SPAG16: variants seen among roughly 807,000 people sequenced by gnomAD.
SPAG16 encodes the protein sperm associated antigen 16.
Under a neutral mutation model 80.4 loss-of-function variants are expected in SPAG16, and 86 were observed. The ratio of observed to expected loss-of-function variants is 1.07; its 90% CI spans 0.90 to 1.28. The LOEUF is 1.28. SPAG16 is among the 50% of genes most tolerant of loss of function. The pLI is 0.00. For synonymous variants in SPAG16, 294 were observed against 265.9 expected (o/e 1.11, Z -1.03); for missense variants, 870 against 765.3 (o/e 1.14, Z -1.61).
At chr2:213,392,275 T>TA (rs1242742349) in intron 9 of SPAG16, among the ~76,000 whole-genome samples, 1 of 152,222 alleles carries the variant, frequency 6.6e-6, no homozygotes, top group African/African-American at 2.4e-5. Flanking sequence ...TAGTTGCATT[T>TA]AGTACAGTAT....
chr2:214,008,854 A>C (rs2047155637), intron 12 of SPAG16, among the ~76,000 whole-genome samples: 1 of 152,110 alleles, frequency 6.6e-6, no homozygotes, highest in Non-Finnish European at 1.5e-5. Flanking sequence ...GGAGCAGTTT[A>C]ATTATGGGAA....
chr2:214,174,055 C>T (rs190448853), intron 15 of SPAG16, among the ~76,000 whole-genome samples: 18 of 151,982 alleles, frequency 1.2e-4, no homozygotes, highest in African/African-American at 3.4e-4. Flanking sequence ...TCAATAAATA[C>T]GGTATTGATG....
At chr2:213,371,299 G>A (rs1306103291) in intron 8 of SPAG16, among the ~76,000 whole-genome samples, 2 of 148,916 alleles carry the variant, frequency 1.3e-5, no homozygotes, top group Admixed American at 6.9e-5. Flanking sequence ...CAGCTACTTG[G>A]GAGGCTGAGA....
chr2:213,317,466 A>G, intron 5 of SPAG16, 110 bp downstream of exon 5: 2 of 1,359,586 alleles, frequency 1.5e-6, no homozygotes, highest in Non-Finnish European at 9.5e-7. Context: ...TGAAAACTGA[A>G]TTTTTCTAGT....
intron 10 of SPAG16, among the ~76,000 whole-genome samples, chr2:213,857,194 A>C (rs2372265): frequency 0.34 from 52,311 of 152,062 alleles, 9,446 homozygotes; most frequent in South Asian, 0.47. Flanking sequence ...CACTCCACTG[A>C]ACTCCAGCCT....
chr2:213,439,604 A>G (rs1478232517), intron 9 of SPAG16, among the ~76,000 whole-genome samples: 1 of 152,208 alleles, frequency 6.6e-6, no homozygotes, highest in Non-Finnish European at 1.5e-5. Flanking sequence ...CTTCCTGCTT[A>G]TGGTAAAAAT....
chr2:213,976,135 T>TATATATATATATACAC (rs749957411), intron 12 of SPAG16, among the ~76,000 whole-genome samples: 196 of 81,362 alleles, frequency 2.4e-3, no homozygotes, highest in Middle Eastern at 0.013. Flanking sequence ...TATATATATA[T>TATATATATATATACAC]ACACACACAC....
At chr2:214,290,421 G>C (rs115044242) in intron 15 of SPAG16, among the ~76,000 whole-genome samples, 302 of 151,886 alleles carry the variant, frequency 2.0e-3, no homozygotes, top group African/African-American at 7.1e-3. Context: ...GATAATTTTG[G>C]ATTTGACTTA....
chr2:213,679,081 C>G (rs1321541906), intron 10 of SPAG16, among the ~76,000 whole-genome samples: 6 of 152,160 alleles, frequency 3.9e-5, no homozygotes, highest in African/African-American at 1.4e-4. Flanking sequence ...AGGACACCTT[C>G]TCTGCATGCA....
At chr2:214,242,683 T>C (rs1689575922) in intron 15 of SPAG16, among the ~76,000 whole-genome samples, 1 of 152,168 alleles carries the variant, frequency 6.6e-6, no homozygotes, top group African/African-American at 2.4e-5. Context: ...AACAAGTTAA[T>C]ATTACAAATA....
At position 213,751,148 on chromosome 2, in the gene SPAG16, T is replaced by TA. The variant is rs576262597; in HGVS notation, c.1071-111336dup. ...TACTTCAATTGTTAATTTTTTTTTT[T>TA]ACTAAAGAAAATGTACTTATATGGT... On this transcript the variant is annotated intron_variant, in intron 10 of 15. Transcript: ENST00000331683. 2.1e-3 allele frequency among the ~76,000 whole-genome samples: 319 copies of TA among 152,300 alleles called. 2 individuals are homozygous for TA. The highest frequency in any genetic ancestry group is 7.2e-3 in the African/African-American group (299 of 41,566).
intron 6 of SPAG16, among the ~76,000 whole-genome samples, chr2:213,344,310 G>A (rs183961483): frequency 4.6e-4 from 70 of 152,116 alleles, no homozygotes; most frequent in African/African-American, 1.4e-3. Flanking sequence ...CCACTTCACA[G>A]CGTTGGCTAT....
Position 213,428,873 on chromosome 2 carries a change from C to T in SPAG16, c.942+53754C>T, listed in dbSNP as rs947437636. 1.3e-4 allele frequency among the ~76,000 whole-genome samples: 20 copies of T among 152,020 alleles called. No individual in the cohort carries two copies. The East Asian group carries it at 1.4e-3, about 10-fold the overall frequency. ...TTGGGAGGCTGAGGTGGGCAGGTCA[C>T]GAGGTCAGTAGTTTGAGACCAGCCT... On this transcript the variant is annotated intron_variant, in intron 9 of 15. Transcript: ENST00000331683.
rs111985730 is a variant in SPAG16 at position 213,780,184 on chromosome 2, C to T, written c.1071-82301C>T. 6.4e-3 allele frequency among the ~76,000 whole-genome samples: 981 copies of T among 152,280 alleles called. 12 individuals carry two copies. The highest frequency in any genetic ancestry group is 0.023 in the African/African-American group (951 of 41,554). ...CTGGGGTCTGGCCTCATCCTGCACT[C>T]CACCCTCCCAACCTTTTAGTGAGAG... On this transcript the variant is annotated intron_variant, in intron 10 of 15. Transcript: ENST00000331683.
chr2:213,561,319 G>T (rs765694851), intron 10 of SPAG16, among the ~76,000 whole-genome samples: 26 of 152,256 alleles, frequency 1.7e-4, no homozygotes, highest in Middle Eastern at 3.4e-3. Flanking sequence ...TCAATGAATA[G>T]ACTTTATAAT....
intron 10 of SPAG16, among the ~76,000 whole-genome samples, chr2:213,861,881 T>TG (rs549200244): frequency 7.5e-4 from 115 of 152,344 alleles, no homozygotes; most frequent in African/African-American, 2.6e-3. Context: ...TATCTTGAAT[T>TG]CATTACTGTA....
chr2:214,322,642 A>G (rs1042934169), intron 15 of SPAG16, among the ~76,000 whole-genome samples: 2 of 152,230 alleles, frequency 1.3e-5, no homozygotes, highest in Admixed American at 6.5e-5. Flanking sequence ...AAGTTAAATT[A>G]TAAGTTTTGA....
intron 10 of SPAG16, among the ~76,000 whole-genome samples, chr2:213,860,422 T>C (rs1257702573): frequency 1.2e-5 from 1 of 86,138 alleles, no homozygotes; most frequent in African/African-American, 3.2e-5. Context: ...AATATATGTG[T>C]GTATATCTAT....
chr2:213,593,838 G>C (rs1205983210), intron 10 of SPAG16, among the ~76,000 whole-genome samples: 1 of 118,304 alleles, frequency 8.5e-6, no homozygotes, highest in Non-Finnish European at 1.7e-5. Context: ...GCAGTGTAGA[G>C]ATCTCGGCTC....
Sources: allele counts gnomAD v4.1 joint callset (sites outside exome capture counted in the v4.1 genomes callset), GRCh38; gene constraint gnomAD v4.1.1; transcripts MANE v1.5; gene names NCBI Gene and HGNC (gene_info 2026-07-23, HGNC 2026-07-21).